WWOX: variants seen among roughly 807,000 people sequenced by gnomAD.
WWOX encodes the protein WW domain containing oxidoreductase.
WWOX carries 69 observed loss-of-function variants against 46.2 expected under a neutral mutation model. The observed-to-expected ratio is 1.49, with a 90% confidence interval of 1.23 to 1.82. WWOX has a LOEUF of 1.82. Ranked by LOEUF, WWOX falls within the 40% of genes most tolerant of loss-of-function variation. The pLI is 0.00. For missense variants in WWOX, 919 were observed against 542.6 expected (o/e 1.69, Z -6.89); for synonymous variants, 359 against 202.6 (o/e 1.77, Z -6.56).
At chr16:78,683,572 T>A (rs1466342856) in intron 8 of WWOX, among the ~76,000 whole-genome samples, 8 of 149,226 alleles carry the variant, frequency 5.4e-5, no homozygotes, top group African/African-American at 2.0e-4. Flanking sequence ...AAAAAAAAAA[T>A]TACATGAAAA....
chr16:78,954,072 A>G (rs952119172), intron 8 of WWOX, among the ~76,000 whole-genome samples: 4 of 152,202 alleles, frequency 2.6e-5, no homozygotes, highest in African/African-American at 9.6e-5. Context: ...ACCATATCTT[A>G]TTCAGTTCCT....
At chr16:79,000,628 C>T (rs2047074876) in intron 8 of WWOX, among the ~76,000 whole-genome samples, 1 of 152,190 alleles carries the variant, frequency 6.6e-6, no homozygotes, top group Non-Finnish European at 1.5e-5. Context: ...TCTCCCAGAA[C>T]TTCCAGAAAG....
intron 8 of WWOX, among the ~76,000 whole-genome samples, chr16:78,943,378 C>G (rs570546948): frequency 2.0e-5 from 3 of 147,346 alleles, no homozygotes; most frequent in Non-Finnish European, 2.9e-5. Context: ...AACTGTTCAT[C>G]TCCTCCGACT....
intron 5 of WWOX, among the ~76,000 whole-genome samples, chr16:78,310,916 G>C (rs1022838958): frequency 1.1e-4 from 17 of 152,330 alleles, no homozygotes; most frequent in African/African-American, 4.1e-4. Context: ...ATGTACAGGA[G>C]CCAGGCTTGG....
intron 8 of WWOX, among the ~76,000 whole-genome samples, chr16:79,106,153 C>G (rs1417077719): frequency 6.6e-6 from 1 of 152,210 alleles, no homozygotes; most frequent in Non-Finnish European, 1.5e-5. Flanking sequence ...CCTACTGCGT[C>G]TGGGGGCAGG....
chr16:78,897,788 G>C (rs2044736629), intron 8 of WWOX: 1 of 152,116 alleles, frequency 6.6e-6, no homozygotes, highest in South Asian at 2.1e-4. Context: ...CCCCCCGCTA[G>C]AAGTGTGTAA....
intron 8 of WWOX, among the ~76,000 whole-genome samples, chr16:78,761,187 C>G (rs7202751): frequency 0.13 from 19,203 of 152,112 alleles, 1,607 homozygotes; most frequent in African/African-American, 0.23. Context: ...ATTGCATTTT[C>G]TTTTTCTTCC....
chr16:78,275,627 C>A (rs2079562867), intron 5 of WWOX, among the ~76,000 whole-genome samples: 1 of 152,128 alleles, frequency 6.6e-6, no homozygotes, highest in Non-Finnish European at 1.5e-5. Flanking sequence ...TGGCAGGCTC[C>A]CAGTAATCCC....
intron 8 of WWOX, among the ~76,000 whole-genome samples, chr16:78,771,365 T>C (rs957032382): frequency 1.3e-5 from 2 of 152,182 alleles, no homozygotes; most frequent in Non-Finnish European, 2.9e-5. Flanking sequence ...AACCTAAATA[T>C]ATGTTCAAAG....
At chr16:78,712,631 G>C (rs2048467468) in intron 8 of WWOX, among the ~76,000 whole-genome samples, 1 of 152,072 alleles carries the variant, frequency 6.6e-6, no homozygotes, top group African/African-American at 2.4e-5. Flanking sequence ...GAGACAAATA[G>C]GAAAATTTGA....
At chr16:78,393,195 G>T (rs2082213199) in intron 6 of WWOX, among the ~76,000 whole-genome samples, 1 of 152,040 alleles carries the variant, frequency 6.6e-6, no homozygotes, top group Non-Finnish European at 1.5e-5. Flanking sequence ...CAAATATTGG[G>T]GTTTTCTGAA....
At chr16:79,027,352 A>T (rs923488403) in intron 8 of WWOX, among the ~76,000 whole-genome samples, 2 of 150,822 alleles carry the variant, frequency 1.3e-5, no homozygotes, top group Admixed American at 1.3e-4. Context: ...AGAACTTTTC[A>T]TTGCAAAATG....
intron 8 of WWOX, among the ~76,000 whole-genome samples, chr16:78,660,678 C>A (rs1426600697): frequency 6.6e-6 from 1 of 152,124 alleles, no homozygotes; most frequent in Non-Finnish European, 1.5e-5. Flanking sequence ...TCAGACCTTT[C>A]AGTAAGATAG....
In WWOX at chr16:78,432,541, C is replaced by G. The variant is rs770542796; in HGVS notation, c.845C>G (p.Pro282Arg). Residue 282 changes from proline (P) to arginine (R), a missense_variant, in exon 8 of 9, where the codon CCA becomes CGA. By Grantham distance (103) the Pro-to-Arg change is moderately radical. Coordinates refer to ENST00000566780, the MANE Select transcript of WWOX (RefSeq NM_016373.4). Reference sequence around the variant, plus strand: ...AAACTGGACTTCAGTCGCCTCTCTCCAACAAAAAACGACTATTGGGCGATG... The same window carrying G: ...AAACTGGACTTCAGTCGCCTCTCTCGAACAAAAAACGACTATTGGGCGATG... ...LGKLDFSRLS[P>R]TKNDYWAMLA... 6.2e-7 allele frequency: 1 copy of G among 1,613,934 alleles called. No individual in the cohort carries two copies. Among genetic ancestry groups the G allele is most frequent in the African/African-American group, 1.3e-5 (1 of 74,902 alleles).
chr16:78,930,318 C>G (rs1241220662), intron 8 of WWOX, among the ~76,000 whole-genome samples: 1 of 140,394 alleles, frequency 7.1e-6, no homozygotes, highest in South Asian at 2.4e-4. Flanking sequence ...CTCCTCCACA[C>G]CCAGACTGGA....
At chr16:79,008,843 G>T (rs1041777351) in intron 8 of WWOX, among the ~76,000 whole-genome samples, 2 of 152,106 alleles carry the variant, frequency 1.3e-5, no homozygotes, top group African/African-American at 4.8e-5. Flanking sequence ...AGGGGGCCCC[G>T]ATCAGGTGGC....
chr16:78,679,996 T>G (rs1330014412), intron 8 of WWOX, among the ~76,000 whole-genome samples: 5 of 152,238 alleles, frequency 3.3e-5, no homozygotes, highest in Non-Finnish European at 7.3e-5. Context: ...TACCACTAAC[T>G]GACTCCATGC....
chr16:78,570,262 G>T (rs140901261), intron 8 of WWOX, among the ~76,000 whole-genome samples: 1 of 152,122 alleles, frequency 6.6e-6, no homozygotes, highest in East Asian at 1.9e-4. Context: ...ATAAAAACTT[G>T]CGTATAAATG....
chr16:79,008,437 C>G (rs553828369), intron 8 of WWOX, among the ~76,000 whole-genome samples: 1 of 152,188 alleles, frequency 6.6e-6, no homozygotes, highest in African/African-American at 2.4e-5. Flanking sequence ...TGCTTGGTAG[C>G]CTAACTCACT....
Sources: gnomAD v4.1 joint callset for allele counts (sites outside exome capture counted in the v4.1 genomes callset) on GRCh38, gnomAD v4.1.1 for gene constraint, MANE v1.5 for transcripts, NCBI Gene and HGNC (gene_info 2026-07-23, HGNC 2026-07-21) for gene names.